Variants in GRIA2 observed in about 807,000 individuals in gnomAD.
GRIA2 encodes glutamate ionotropic receptor AMPA type subunit 2.
A neutral mutation model predicts 97.3 loss-of-function variants in GRIA2; 14 were observed. That is an observed-to-expected ratio of 0.14 (90% confidence interval 0.10 to 0.23). The LOEUF is 0.23. GRIA2 is among the 10% of genes least tolerant of loss of function. The pLI is 1.00. For missense variants in GRIA2, 558 were observed against 1,069.8 expected, an observed-to-expected ratio of 0.52 and a Z score of 6.67; for synonymous variants, 412 against 387.8, an observed-to-expected ratio of 1.06 and a Z score of -0.73.
At chr4:157,320,323 A>T (rs888935239) in intron 5 of GRIA2, among the ~76,000 whole-genome samples, 5 of 152,142 alleles carry the variant, frequency 3.3e-5, no homozygotes, top group East Asian at 1.9e-4. Flanking sequence ...CTCATGTGGG[A>T]TACACAAAAA....
At chr4:157,313,076 A>G (rs1734157427) in intron 4 of GRIA2, among the ~76,000 whole-genome samples, 1 of 152,172 alleles carries the variant, frequency 6.6e-6, no homozygotes, top group Non-Finnish European at 1.5e-5. Flanking sequence ...CTGGCACATC[A>G]TGTTAATCAT....
At chr4:157,237,732 A>G (rs1730316926) in intron 2 of GRIA2, among the ~76,000 whole-genome samples, 1 of 152,180 alleles carries the variant, frequency 6.6e-6, no homozygotes, top group South Asian at 2.1e-4. Context: ...TGTTGTTATC[A>G]TAAATTGTGC....
chr4:157,261,204 T>C (rs886902833), intron 2 of GRIA2, among the ~76,000 whole-genome samples: 1 of 152,090 alleles, frequency 6.6e-6, no homozygotes, highest in Admixed American at 6.6e-5. Context: ...CAATAGAGCT[T>C]GTGCAGGGGA....
intron 2 of GRIA2, among the ~76,000 whole-genome samples, chr4:157,272,637 T>C (rs920787403): frequency 2.6e-5 from 4 of 152,108 alleles, no homozygotes; most frequent in Admixed American, 1.3e-4. Flanking sequence ...CTTGTGCTTC[T>C]GGCAGGGAGA....
chr4:157,278,407 C>T (rs917426082), intron 2 of GRIA2, among the ~76,000 whole-genome samples: 6 of 151,752 alleles, frequency 4.0e-5, no homozygotes, highest in African/African-American at 9.7e-5. Context: ...GCAGGAACAA[C>T]GGAATATTCA....
Position 157,321,563 on chromosome 4 carries a change from A to G in GRIA2, c.846A>G (p.Glu282=). The part of the protein sequence containing the change: ...KFIERWSTLE[E]KEYPGAHTTT... ...TAGAAAGATGGTCAACACTGGAAGA[A>G]AAAGAATACCCTGGAGCTCACACAA... Residue 282 remains glutamate, a synonymous_variant, in exon 6 of 16, where the codon GAA becomes GAG. Transcript: ENST00000264426. 6.2e-7 allele frequency: 1 copy of G among 1,611,742 alleles called. No individual in the cohort carries two copies. The highest frequency in any genetic ancestry group is 1.1e-5 in the South Asian group (1 of 90,998).
Position 157,347,356 on chromosome 4 carries a change from A to G in GRIA2, c.2043+5894A>G, listed in dbSNP as rs151294927. On this transcript the variant is annotated intron_variant, in intron 12 of 15. Transcript: ENST00000264426. ...CATGCAATTGTGTCTTTTAAAGACC[A>G]CTCTTGCCATACACTCGCTAAATAA... 8.5e-3 allele frequency among the ~76,000 whole-genome samples: 1,286 copies of G among 152,074 alleles called. 20 individuals carry two copies. Among genetic ancestry groups the G allele is most frequent in the Non-Finnish European group, 9.1e-3 (621 of 67,994 alleles).
chr4:157,278,935 T>C (rs1732471934), intron 2 of GRIA2, among the ~76,000 whole-genome samples: 1 of 152,096 alleles, frequency 6.6e-6, no homozygotes, highest in Non-Finnish European at 1.5e-5. Flanking sequence ...GGATGTCTAA[T>C]ATCCAGAACA....
At chr4:157,336,337 T>G (rs1735285300) in intron 10 of GRIA2, 40 bp from the exon 11 acceptor site, 2 of 1,460,346 alleles carry the variant, frequency 1.4e-6, no homozygotes, top group South Asian at 2.9e-5. Flanking sequence ...TTTTTCACCA[T>G]GACTCCAGGT....
At chr4:157,275,684 T>C (rs1336399960) in intron 2 of GRIA2, among the ~76,000 whole-genome samples, 2 of 152,156 alleles carry the variant, frequency 1.3e-5, no homozygotes, top group African/African-American at 4.8e-5. Context: ...GTTGTAGATA[T>C]GTGGCATTAT....
chr4:157,257,654 A>G (rs1304006530), intron 2 of GRIA2, among the ~76,000 whole-genome samples: 1 of 152,196 alleles, frequency 6.6e-6, no homozygotes, highest in East Asian at 1.9e-4. Flanking sequence ...TATGAAGATA[A>G]TTTACTTTAT....
intron 1 of GRIA2, chr4:157,221,363 A>T: frequency 1.8e-6 from 1 of 562,688 alleles, no homozygotes; most frequent in Non-Finnish European, 3.1e-6. Context: ...AAATTTTATT[A>T]ATTCTGCCTT....
chr4:157,230,530 C>T (rs773066130), intron 2 of GRIA2, among the ~76,000 whole-genome samples: 11 of 105,122 alleles, frequency 1.0e-4, no homozygotes, highest in African/African-American at 1.9e-4. Flanking sequence ...TTCCTTTCTT[C>T]CTTCCTTCTT....
chr4:157,248,070 T>A (rs913437150), intron 2 of GRIA2, among the ~76,000 whole-genome samples: 2 of 151,688 alleles, frequency 1.3e-5, no homozygotes, highest in African/African-American at 2.4e-5. Flanking sequence ...TATATATATA[T>A]AATCATATCA....
intron 6 of GRIA2, among the ~76,000 whole-genome samples, chr4:157,328,369 G>A (rs139483510): frequency 9.1e-4 from 139 of 152,144 alleles, no homozygotes; most frequent in Non-Finnish European, 1.1e-3. Flanking sequence ...GACATCTCAA[G>A]TGGTGCCTCT....
intron 6 of GRIA2, among the ~76,000 whole-genome samples, chr4:157,326,870 GGCT>G (rs1188336134): frequency 6.6e-6 from 1 of 152,100 alleles, no homozygotes; most frequent in East Asian, 1.9e-4. Flanking sequence ...TGCTGATCAT[GGCT>G]TTGATACAGG....
chr4:157,317,804 TA>T, intron 5 of GRIA2, 93 bp downstream of exon 5: 1 of 604,800 alleles, frequency 1.7e-6, no homozygotes, highest in Non-Finnish European at 3.0e-6. Flanking sequence ...AGTGGTGTTT[TA>T]AAAAATACAG....
intron 2 of GRIA2, among the ~76,000 whole-genome samples, chr4:157,298,396 G>T (rs1733450348): frequency 6.6e-6 from 1 of 151,968 alleles, no homozygotes; most frequent in Non-Finnish European, 1.5e-5. Flanking sequence ...ACAAGAAAGG[G>T]CAAGAAGGTC....
chr4:157,241,645 A>T, intron 2 of GRIA2, among the ~76,000 whole-genome samples: 1 of 152,102 alleles, frequency 6.6e-6, no homozygotes, highest in East Asian at 1.9e-4. Flanking sequence ...AATAGATTAG[A>T]TAGCGTTCAT....
Sources: gnomAD v4.1 joint callset for allele counts (sites outside exome capture counted in the v4.1 genomes callset) on GRCh38, gnomAD v4.1.1 for gene constraint, MANE v1.5 for transcripts, NCBI Gene and HGNC (gene_info 2026-07-23, HGNC 2026-07-21) for gene names.